Variants in DMRT1 observed in about 807,000 individuals in gnomAD.
The protein encoded by DMRT1 is doublesex- and mab-3-related transcription factor 1.
Under a neutral mutation model 32.3 loss-of-function variants are expected in DMRT1, and 7 were observed. The ratio of observed to expected loss-of-function variants is 0.22; its 90% CI spans 0.12 to 0.41. The LOEUF (loss-of-function observed/expected upper bound fraction) is 0.41, where lower values mean the gene tolerates loss of function less well. Among genes scored for constraint, DMRT1 ranks in the 10% least tolerant of loss-of-function variants. The pLI is 1.00. For missense variants in DMRT1, 625 were observed against 500.5 expected, an observed-to-expected ratio of 1.25 and a Z score of -2.37; for synonymous variants, 278 against 206.1, an observed-to-expected ratio of 1.35 and a Z score of -2.99.
At chr9:847,521 G>T (rs1589442871) in intron 2 of DMRT1, among the ~76,000 whole-genome samples, 1 of 152,174 alleles carries the variant, frequency 6.6e-6, no homozygotes, top group Admixed American at 6.6e-5. Flanking sequence ...TCCATTTGGG[G>T]AAAGTGTCTA....
chr9:892,654 C>T (rs1353888832), intron 2 of DMRT1, among the ~76,000 whole-genome samples: 1 of 152,178 alleles, frequency 6.6e-6, no homozygotes, highest in Non-Finnish European at 1.5e-5. Flanking sequence ...TTCACTTGCC[C>T]TAAGCAGTTG....
intron 3 of DMRT1, among the ~76,000 whole-genome samples, chr9:896,972 C>G (rs574965088): frequency 1.3e-5 from 2 of 151,992 alleles, no homozygotes; most frequent in African/African-American, 4.8e-5. Flanking sequence ...AGTCATTCCA[C>G]TTTTGGGATC....
chr9:843,027 T>A (rs1838756507), intron 1 of DMRT1: 1 of 152,142 alleles, frequency 6.6e-6, no homozygotes, highest in African/African-American at 2.4e-5. Context: ...TAGCAGAGAA[T>A]TAAGGAATTC....
chr9:871,409 T>C (rs1222119410), intron 2 of DMRT1, among the ~76,000 whole-genome samples: 1 of 151,002 alleles, frequency 6.6e-6, no homozygotes, highest in Non-Finnish European at 1.5e-5. Flanking sequence ...CTCGGCTCAC[T>C]GCAAGCTCCG....
chr9:907,864 G>A (rs1450182166), intron 3 of DMRT1, among the ~76,000 whole-genome samples: 1 of 140,354 alleles, frequency 7.1e-6, no homozygotes, highest in Non-Finnish European at 1.5e-5. Flanking sequence ...TGTGTTATAT[G>A]TATATAACAC....
intron 4 of DMRT1, among the ~76,000 whole-genome samples, chr9:945,234 A>C (rs1242159106): frequency 6.6e-6 from 1 of 152,042 alleles, no homozygotes; most frequent in Non-Finnish European, 1.5e-5. Context: ...GCTCACTGCA[A>C]CCTCTGCCTC....
chr9:875,359 G>A (rs1018497871), intron 2 of DMRT1, among the ~76,000 whole-genome samples: 4 of 152,100 alleles, frequency 2.6e-5, no homozygotes, highest in African/African-American at 7.2e-5. Flanking sequence ...TCCCAGACCT[G>A]GGCCCGACAG....
rs79792132 is a variant in DMRT1, at chr9:893,714, C to G, written c.539-198C>G. Among the ~76,000 whole-genome samples the G allele has an allele frequency of 2.5e-3, 376 of 152,330 alleles. 3 individuals carry two copies. Among genetic ancestry groups the G allele is most frequent in the African/African-American group, 8.7e-3 (362 of 41,580 alleles). The stretch of plus-strand genomic sequence containing the variant: ...TCTCAGTAAAAACAATCAGCTGAGT[C>G]TTTCGGTTGTGCCACCAGAGTGAAG... On this transcript the variant is annotated intron_variant, in intron 2 of 4. Transcript: ENST00000382276.
chr9:924,031 G>C (rs1818439939), intron 4 of DMRT1, among the ~76,000 whole-genome samples: 1 of 151,788 alleles, frequency 6.6e-6, no homozygotes, highest in African/African-American at 2.4e-5. Context: ...GTCTTGCTCA[G>C]GTCCCCAGCT....
intron 1 of DMRT1, among the ~76,000 whole-genome samples, chr9:843,877 AATAG>A (rs1215563693): frequency 1.3e-5 from 2 of 152,232 alleles, no homozygotes; most frequent in African/African-American, 4.8e-5. Flanking sequence ...CAGTCATGAA[AATAG>A]ATATTGTTTT....
chr9:900,359 G>A (rs528251160), intron 3 of DMRT1, among the ~76,000 whole-genome samples: 9 of 132,046 alleles, frequency 6.8e-5, no homozygotes, highest in East Asian at 2.3e-4. Flanking sequence ...ACAGGCTCTC[G>A]TTTTCCCACT....
At chr9:859,223 G>GT (rs140254214) in intron 2 of DMRT1, among the ~76,000 whole-genome samples, 11 of 152,236 alleles carry the variant, frequency 7.2e-5, no homozygotes, top group Non-Finnish European at 1.5e-4. Flanking sequence ...TTCTTCCTTT[G>GT]TTTTAAGTGC....
intron 1 of DMRT1, among the ~76,000 whole-genome samples, chr9:846,715 G>T (rs1199593015): frequency 6.6e-6 from 1 of 152,178 alleles, no homozygotes; most frequent in Admixed American, 6.5e-5. Context: ...TGAGTAGCTG[G>T]GATTCCAGGT....
At position 873,765 on chromosome 9, in the gene DMRT1, A is replaced by G. The variant is rs542771509; in HGVS notation, c.539-20147A>G. 8.5e-5 allele frequency among the ~76,000 whole-genome samples: 13 copies of G among 152,324 alleles called. 1 individual carries two copies. In the South Asian group the frequency reaches 2.5e-3, roughly 29 times the overall value. Reference sequence around the variant, plus strand: ...TAATAACTGGGGGAATGGCCTTCTAATACCTTTTAAGTATTGTATTGTCCA... The same window carrying G: ...TAATAACTGGGGGAATGGCCTTCTAGTACCTTTTAAGTATTGTATTGTCCA... On this transcript the variant is annotated intron_variant, in intron 2 of 4. Transcript: ENST00000382276.
At chr9:908,976 A>G (rs1817878564) in intron 3 of DMRT1, among the ~76,000 whole-genome samples, 1 of 151,162 alleles carries the variant, frequency 6.6e-6, no homozygotes, top group African/African-American at 2.4e-5. Context: ...CCCTCACCCC[A>G]CACACGTTGA....
intron 2 of DMRT1, among the ~76,000 whole-genome samples, chr9:850,815 G>A (rs1839113497): frequency 6.6e-6 from 1 of 152,058 alleles, no homozygotes; most frequent in Non-Finnish European, 1.5e-5. Context: ...GATCACCTGA[G>A]GTCAGGAGTT....
chr9:844,715 C>CTTTTT (rs1170214043), intron 1 of DMRT1, among the ~76,000 whole-genome samples: 62 of 135,698 alleles, frequency 4.6e-4, no homozygotes, highest in African/African-American at 8.6e-4. Context: ...TTCTTTCTTT[C>CTTTTT]TTTCTTTTTT....
intron 3 of DMRT1, chr9:894,699 G>A (rs1175627086): frequency 5.1e-6 from 1 of 194,268 alleles, no homozygotes; most frequent in African/African-American, 2.3e-5. Flanking sequence ...TGGAAGAAAG[G>A]TAAGAAAAGG....
chr9:949,357 CCT>C (rs1452386405), intron 4 of DMRT1, among the ~76,000 whole-genome samples: 1 of 134,608 alleles, frequency 7.4e-6, no homozygotes, highest in East Asian at 2.0e-4. Context: ...AGAGCAAGAC[CCT>C]CTCTCGGGGA....
Sources: allele counts gnomAD v4.1 joint callset (sites outside exome capture counted in the v4.1 genomes callset), GRCh38; gene constraint gnomAD v4.1.1; transcripts MANE v1.5; gene names NCBI Gene and HGNC (gene_info 2026-07-23, HGNC 2026-07-21).